The following REDIC1 variants were observed in gnomAD, a reference collection of about 807,000 sequenced individuals.
The protein encoded by REDIC1 is regulator of DNA class I crossover intermediates 1.
At chr12:39,720,788 C>T in the REDIC1 span, 3 of 1,599,324 alleles carry the variant, frequency 1.9e-6, no homozygotes, top group East Asian at 6.7e-5. Context: ...TCTTTTTAGC[C>T]ATCTGAAGAT....
chr12:39,878,725 C>G, the REDIC1 span, among the ~76,000 whole-genome samples: 3 of 152,138 alleles, frequency 2.0e-5, no homozygotes, highest in Non-Finnish European at 4.4e-5. Flanking sequence ...GCAGCCTGGC[C>G]ATGTGGCAGA....
the REDIC1 span, among the ~76,000 whole-genome samples, chr12:39,796,316 G>T: frequency 6.6e-6 from 1 of 151,532 alleles, no homozygotes; most frequent in Admixed American, 6.6e-5. Context: ...AATTCTGGGT[G>T]CAGTGGCACA....
chr12:39,701,759 C>A, the REDIC1 span, among the ~76,000 whole-genome samples: 1 of 152,132 alleles, frequency 6.6e-6, no homozygotes, highest in Non-Finnish European at 1.5e-5. Context: ...ACAGTGCAAT[C>A]AAACTAGAAC....
chr12:39,717,005 A>G, the REDIC1 span, among the ~76,000 whole-genome samples: 2 of 152,008 alleles, frequency 1.3e-5, no homozygotes, highest in Non-Finnish European at 2.9e-5. Context: ...TTAAAAATGT[A>G]GAAAAGAAAA....
At chr12:39,706,728 A>G in the REDIC1 span, among the ~76,000 whole-genome samples, 1 of 152,060 alleles carries the variant, frequency 6.6e-6, no homozygotes, top group Non-Finnish European at 1.5e-5. Flanking sequence ...CTCATTTTTG[A>G]TAGAGGTGCC....
chr12:39,701,852 C>G, the REDIC1 span, among the ~76,000 whole-genome samples: 3 of 151,734 alleles, frequency 2.0e-5, no homozygotes, highest in African/African-American at 7.3e-5. Context: ...GGGTACATAA[C>G]GAAATGAAGG....
At chr12:39,686,031 C>A in the REDIC1 span, among the ~76,000 whole-genome samples, 1 of 152,228 alleles carries the variant, frequency 6.6e-6, no homozygotes, top group East Asian at 1.9e-4. Flanking sequence ...AGCCCTGCCT[C>A]TGTGGTTTTG....
the REDIC1 span, among the ~76,000 whole-genome samples, chr12:39,762,130 G>T: frequency 1.3e-5 from 2 of 152,056 alleles, no homozygotes; most frequent in African/African-American, 4.8e-5. Context: ...CCTACTCAGT[G>T]TGGGTTCCAA....
chr12:39,652,275 C>T, the REDIC1 span, among the ~76,000 whole-genome samples: 1 of 151,970 alleles, frequency 6.6e-6, no homozygotes, highest in Admixed American at 6.6e-5. Context: ...ATGACTGGAT[C>T]ATTTGTTAGG....
the REDIC1 span, chr12:39,644,044 CTTAAA>C: frequency 1.4e-6 from 1 of 721,694 alleles, no homozygotes; most frequent in East Asian, 3.0e-5. Flanking sequence ...TGGTTGCTCT[CTTAAA>C]TTAGATGCCT....
the REDIC1 span, among the ~76,000 whole-genome samples, chr12:39,748,503 C>T: frequency 1.3e-5 from 2 of 152,150 alleles, no homozygotes; most frequent in Non-Finnish European, 2.9e-5. Context: ...CAACATTAGA[C>T]AGATCAATGA....
the REDIC1 span, among the ~76,000 whole-genome samples, chr12:39,730,379 C>T: frequency 5.3e-5 from 8 of 152,148 alleles, no homozygotes; most frequent in Admixed American, 1.3e-4. Context: ...TCAGCATTTG[C>T]TTGTCTCTAA....
At chr12:39,707,743 AT>A in the REDIC1 span, among the ~76,000 whole-genome samples, 57 of 151,898 alleles carry the variant, frequency 3.8e-4, no homozygotes, top group African/African-American at 1.3e-3. Flanking sequence ...ACCTCCTTGC[AT>A]TTTTTAAAAA....
the REDIC1 span, among the ~76,000 whole-genome samples, chr12:39,760,661 G>A: frequency 4.7e-4 from 71 of 152,032 alleles, no homozygotes; most frequent in African/African-American, 1.5e-3. Flanking sequence ...GCACTTTGAG[G>A]TCAGAAGAAG....
At chr12:39,728,780 C>CTTTTTTTTTTT in the REDIC1 span, among the ~76,000 whole-genome samples, 1 of 92,186 alleles carries the variant, frequency 1.1e-5, no homozygotes, top group East Asian at 3.5e-4. Flanking sequence ...TGGTCCTGGG[C>CTTTTTTTTTTT]TTTTTTTTTT....
chr12:39,873,707 A>G, the REDIC1 span, among the ~76,000 whole-genome samples: 2 of 152,224 alleles, frequency 1.3e-5, no homozygotes, highest in African/African-American at 4.8e-5. Context: ...TGAAATCACA[A>G]GTGTTAAATG....
At chr12:39,669,518 G>A in the REDIC1 span, among the ~76,000 whole-genome samples, 35 of 152,340 alleles carry the variant, frequency 2.3e-4, no homozygotes, top group African/African-American at 5.8e-4. Flanking sequence ...ACTTGAGGGC[G>A]CAGTCTGTCC....
the REDIC1 span, among the ~76,000 whole-genome samples, chr12:39,679,823 C>G: frequency 1.3e-5 from 2 of 152,016 alleles, no homozygotes; most frequent in Non-Finnish European, 2.9e-5. Flanking sequence ...AATAGAGAAC[C>G]CAGAAATAAA....
chr12:39,839,893 C>A, the REDIC1 span, among the ~76,000 whole-genome samples: 4 of 152,106 alleles, frequency 2.6e-5, no homozygotes, highest in Admixed American at 6.6e-5. Flanking sequence ...GGCTTTCTTG[C>A]CAAACCTATT....
Sources: gnomAD v4.1 joint callset for allele counts (sites outside exome capture counted in the v4.1 genomes callset) on GRCh38, gnomAD v4.1.1 for gene constraint, MANE v1.5 for transcripts, NCBI Gene and HGNC (gene_info 2026-07-23, HGNC 2026-07-21) for gene names.